Variants in SLC25A48 observed in about 807,000 individuals in gnomAD.
SLC25A48 encodes the protein solute carrier family 25 member 48, also known as CTC-321K16.1.
In SLC25A48, 29 loss-of-function variants were observed where a neutral mutation model predicts 32.2. The observed-to-expected ratio is 0.90, with a 90% CI of 0.67 to 1.23. The LOEUF is 1.23. Among genes scored for constraint, SLC25A48 ranks in the 50% most tolerant of loss-of-function variants. SLC25A48 has a pLI of 0.00. For missense variants in SLC25A48, 399 were observed against 422.7 expected (o/e 0.94, Z 0.49); for synonymous variants, 164 against 172.3 (o/e 0.95, Z 0.38).
intron 4 of SLC25A48, among the ~76,000 whole-genome samples, chr5:135,828,226 G>A (rs1210640701): frequency 6.6e-6 from 1 of 152,248 alleles, no homozygotes; most frequent in Non-Finnish European, 1.5e-5. Flanking sequence ...TTTGCTTCTG[G>A]CCCACCTGCC....
chr5:135,853,476 A>G lies in SLC25A48; in HGVS notation c.421+655A>G, dbSNP rs113371005. On this transcript the variant is annotated intron_variant, in intron 4 of 7. Coordinates refer to ENST00000681962, the MANE Select transcript of SLC25A48 (RefSeq NM_001349336.2). ...TGGATATTCTAAATCCTTTGCTGTC[A>G]TTTTAACAACATTCACAGAATCTTC... 1.8e-3 allele frequency among the ~76,000 whole-genome samples: 280 copies of G among 152,358 alleles called. 2 individuals carry two copies. Among genetic ancestry groups the G allele is most frequent in the African/African-American group, 6.2e-3 (258 of 41,584 alleles).
At chr5:135,651,059 T>C (rs968427335) in intron 3 of SLC25A48, among the ~76,000 whole-genome samples, 1 of 152,086 alleles carries the variant, frequency 6.6e-6, no homozygotes, top group Non-Finnish European at 1.5e-5. Context: ...TTGTAAATAT[T>C]TTTCCCTTAT....
intron 4 of SLC25A48, among the ~76,000 whole-genome samples, chr5:135,820,848 G>A (rs894932110): frequency 1.3e-5 from 2 of 152,198 alleles, no homozygotes; most frequent in Non-Finnish European, 2.9e-5. Flanking sequence ...TGGCCCAGCA[G>A]TAGATGGGGA....
chr5:135,583,452 A>AGTTCTTTTC (rs111712160), intron 1 of SLC25A48, among the ~76,000 whole-genome samples: 74 of 151,778 alleles, frequency 4.9e-4, no homozygotes, highest in African/African-American at 1.7e-3. Context: ...CCATTCTTTT[A>AGTTCTTTTC]GTTCTTTTCG....
At chr5:135,808,220 G>A (rs1423340790) in intron 3 of SLC25A48, among the ~76,000 whole-genome samples, 1 of 150,150 alleles carries the variant, frequency 6.7e-6, no homozygotes, top group African/African-American at 2.4e-5. Context: ...TTAACATAGT[G>A]TGGTAACACT....
intron 3 of SLC25A48, among the ~76,000 whole-genome samples, chr5:135,850,897 A>G (rs1209503730): frequency 6.6e-6 from 1 of 152,138 alleles, no homozygotes; most frequent in East Asian, 1.9e-4. Flanking sequence ...CCTAGACACC[A>G]GAGTTTACCT....
At chr5:135,754,884 G>C (rs1353425645) in intron 3 of SLC25A48, among the ~76,000 whole-genome samples, 1 of 151,934 alleles carries the variant, frequency 6.6e-6, no homozygotes, top group Non-Finnish European at 1.5e-5. Context: ...TTTATACACT[G>C]TGATAATATT....
At chr5:135,884,608 C>T (rs145035338) in intron 7 of SLC25A48, among the ~76,000 whole-genome samples, 79 of 152,212 alleles carry the variant, frequency 5.2e-4, no homozygotes, top group Admixed American at 1.8e-3. Context: ...CCTGTCTGCC[C>T]CAGTATCACT....
chr5:135,869,081 A>C (rs759866859), intron 4 of SLC25A48, among the ~76,000 whole-genome samples: 28 of 152,242 alleles, frequency 1.8e-4, no homozygotes, highest in Non-Finnish European at 4.0e-4. Context: ...TATTGTTAGC[A>C]ATAGATAAAT....
At chr5:135,743,584 C>T (rs1755561936) in intron 3 of SLC25A48, among the ~76,000 whole-genome samples, 2 of 152,188 alleles carry the variant, frequency 1.3e-5, no homozygotes, top group African/African-American at 4.8e-5. Flanking sequence ...ATTTCAAATC[C>T]TTAACACACG....
intron 3 of SLC25A48, among the ~76,000 whole-genome samples, chr5:135,657,400 G>A (rs1348681914): frequency 1.3e-5 from 2 of 152,244 alleles, no homozygotes; most frequent in Admixed American, 6.5e-5. Context: ...AAAGTCAAAT[G>A]TTTGTGAAAT....
intron 3 of SLC25A48, among the ~76,000 whole-genome samples, chr5:135,746,997 G>GTT (rs71583237): frequency 0.38 from 56,524 of 147,774 alleles, 12,665 homozygotes; most frequent in Non-Finnish European, 0.51. Context: ...ATTTTTTGTT[G>GTT]TTGTTTTTTT....
chr5:135,643,613 A>G (rs974288152), intron 3 of SLC25A48, among the ~76,000 whole-genome samples: 2 of 151,578 alleles, frequency 1.3e-5, no homozygotes, highest in Non-Finnish European at 2.9e-5. Context: ...CGCAGAGTCA[A>G]CTCTCCCAAT....
intron 3 of SLC25A48, among the ~76,000 whole-genome samples, chr5:135,681,913 A>G (rs986910628): frequency 2.0e-5 from 3 of 152,122 alleles, no homozygotes; most frequent in South Asian, 4.1e-4. Flanking sequence ...CTGGCTCTAC[A>G]TGATGATTGA....
At chr5:135,767,699 C>T (rs1375038733) in intron 3 of SLC25A48, among the ~76,000 whole-genome samples, 1 of 151,628 alleles carries the variant, frequency 6.6e-6, no homozygotes, top group Non-Finnish European at 1.5e-5. Flanking sequence ...AGGGGGTGTA[C>T]ACCCACCTGT....
chr5:135,712,324 C>T (rs1006522590), intron 3 of SLC25A48, among the ~76,000 whole-genome samples: 1 of 152,156 alleles, frequency 6.6e-6, no homozygotes, highest in African/African-American at 2.4e-5. Context: ...CACCTCTACT[C>T]CTATCATAAA....
At chr5:135,833,362 C>A (rs1362507143), upstream of SLC25A48, among the ~76,000 whole-genome samples, 1 of 152,354 alleles carries the variant, frequency 6.6e-6, no homozygotes, top group Admixed American at 6.5e-5. Context: ...GCCTGGCACC[C>A]CTTAGGTGGT....
At position 135,742,638 on chromosome 5, in the gene SLC25A48, G is replaced by A. The variant is rs1012782794; in HGVS notation, c.-520-69885G>A. The A allele has an allele frequency of 3.1e-4, 193 of 612,716 alleles. 2 individuals carry two copies. Among genetic ancestry groups the A allele is most frequent in the Middle Eastern group, 1.4e-3 (5 of 3,656 alleles). The allele number at this position is 612,716 out of a possible 1,614,324, so 38.0% of individuals were successfully genotyped here. ...GGGATGAGGTTTCTGACCGAACCTC[G>A]AATGTCACTCTTTCAGTAAGCTAGG... On this transcript the variant is annotated intron_variant, in intron 3 of 10. Coordinates refer to the SLC25A48 transcript ENST00000646290.
intron 1 of SLC25A48, among the ~76,000 whole-genome samples, chr5:135,595,467 A>G (rs189625613): frequency 2.4e-4 from 37 of 152,360 alleles, no homozygotes; most frequent in Admixed American, 8.5e-4. Flanking sequence ...CACCATGGAC[A>G]TAGGCTCACC....
Sources: gnomAD v4.1 joint callset for allele counts (sites outside exome capture counted in the v4.1 genomes callset) on GRCh38, gnomAD v4.1.1 for gene constraint, MANE v1.5 for transcripts, NCBI Gene and HGNC (gene_info 2026-07-23, HGNC 2026-07-21) for gene names.